Variants in SMIM35 observed in about 807,000 individuals in gnomAD.
SMIM35 encodes the protein small integral membrane protein 35.
intron 4 of SMIM35, 61 bp downstream of exon 4, chr11:118,013,687 C>T (rs2058161417): frequency 2.5e-6 from 1 of 397,166 alleles, no homozygotes; most frequent in African/African-American, 2.1e-5. Flanking sequence ...GGTGACTGGA[C>T]CCTCTTAGGA....
chr11:118,017,200 A>T (rs1196710566), intron 1 of SMIM35, among the ~76,000 whole-genome samples: 5 of 152,274 alleles, frequency 3.3e-5, no homozygotes, highest in Non-Finnish European at 4.4e-5. Flanking sequence ...AGGCCAGGTT[A>T]CAAAGATGCC....
intron 1 of SMIM35, among the ~76,000 whole-genome samples, chr11:118,039,861 A>G (rs371220648): frequency 4.4e-4 from 67 of 151,732 alleles, no homozygotes; most frequent in African/African-American, 1.6e-3. Context: ...CCTGGCCAAC[A>G]TGGTGAAGCC....
intron 1 of SMIM35, among the ~76,000 whole-genome samples, chr11:118,048,750 C>T (rs1284304232): frequency 2.6e-5 from 4 of 151,548 alleles, no homozygotes; most frequent in South Asian, 2.1e-4. Context: ...ACAAAAAACA[C>T]GGCCCTAGAT....
intron 1 of SMIM35, among the ~76,000 whole-genome samples, chr11:118,035,283 T>C (rs1172369938): frequency 1.3e-5 from 2 of 152,068 alleles, no homozygotes; most frequent in African/African-American, 4.8e-5. Context: ...CCCCAGGACT[T>C]TCTCCCTGCC....
chr11:118,084,973 G>A (rs192540800), intron 1 of SMIM35, among the ~76,000 whole-genome samples: 21 of 152,236 alleles, frequency 1.4e-4, no homozygotes, highest in African/African-American at 5.1e-4. Context: ...AAACTGCAAA[G>A]ACCAACCTAG....
At chr11:118,084,391 T>C (rs1945387471) in intron 1 of SMIM35, among the ~76,000 whole-genome samples, 1 of 152,232 alleles carries the variant, frequency 6.6e-6, no homozygotes, top group South Asian at 2.1e-4. Context: ...GAACTTCAGG[T>C]TATGCAACTG....
At chr11:118,042,027 G>T (rs1351116106) in intron 1 of SMIM35, among the ~76,000 whole-genome samples, 1 of 146,088 alleles carries the variant, frequency 6.8e-6, no homozygotes, top group Non-Finnish European at 1.5e-5. Flanking sequence ...CTCCAGCCTG[G>T]GCAACAGAGT....
intron 4 of SMIM35, among the ~76,000 whole-genome samples, chr11:118,010,430 C>A (rs2058144168): frequency 6.6e-6 from 1 of 152,212 alleles, no homozygotes; most frequent in Non-Finnish European, 1.5e-5. Flanking sequence ...GACAAAGCAG[C>A]CTTCTGTGGC....
At chr11:118,050,031 G>T (rs1944183777) in intron 1 of SMIM35, among the ~76,000 whole-genome samples, 1 of 152,120 alleles carries the variant, frequency 6.6e-6, no homozygotes, top group African/African-American at 2.4e-5. Context: ...TATAGAGAGG[G>T]TCTTTGAAGT....
chr11:118,077,347 G>A, intron 1 of SMIM35: 1 of 1,575,052 alleles, frequency 6.3e-7, no homozygotes, highest in Non-Finnish European at 8.6e-7. Flanking sequence ...AGGAAGGGTG[G>A]GTCTCCCCAT....
intron 1 of SMIM35, chr11:118,077,337 A>G (rs1158941817): frequency 6.3e-7 from 1 of 1,584,990 alleles, no homozygotes; most frequent in East Asian, 2.3e-5. Context: ...CCCAAGACAC[A>G]GGAAGGGTGG....
chr11:118,023,445 C>T (rs1052280419), intron 1 of SMIM35, among the ~76,000 whole-genome samples: 4 of 151,806 alleles, frequency 2.6e-5, no homozygotes, highest in Non-Finnish European at 1.5e-5. Context: ...TACTGGTGTG[C>T]TGCACCCATT....
At chr11:118,055,244 C>T (rs1021446676) in intron 1 of SMIM35, among the ~76,000 whole-genome samples, 3 of 152,136 alleles carry the variant, frequency 2.0e-5, no homozygotes, top group Non-Finnish European at 4.4e-5. Flanking sequence ...CTGCCAAGGC[C>T]AGTTTGGCAG....
intron 1 of SMIM35, among the ~76,000 whole-genome samples, chr11:118,072,504 G>T (rs998723741): frequency 1.9e-4 from 29 of 152,018 alleles, no homozygotes; most frequent in African/African-American, 7.0e-4. Context: ...GAAACAACTG[G>T]CAATTGATAT....
At chr11:118,030,309 A>T (rs915762032) in intron 1 of SMIM35, among the ~76,000 whole-genome samples, 1 of 152,162 alleles carries the variant, frequency 6.6e-6, no homozygotes, top group Non-Finnish European at 1.5e-5. Flanking sequence ...TGTTGGGATT[A>T]CAGGTGTGAG....
At chr11:118,027,341 CG>C in intron 1 of SMIM35, among the ~76,000 whole-genome samples, 1 of 149,582 alleles carries the variant, frequency 6.7e-6, no homozygotes, top group South Asian at 2.1e-4. Flanking sequence ...TTTTTTTTTG[CG>C]TGGTAGATTT....
intron 1 of SMIM35, among the ~76,000 whole-genome samples, chr11:118,052,868 G>T (rs1305500131): frequency 2.0e-5 from 3 of 151,910 alleles, no homozygotes; most frequent in Non-Finnish European, 4.4e-5. Flanking sequence ...CTTCATCCTG[G>T]GTGCTGCCAC....
chr11:118,081,888 G>A (rs996280856), intron 1 of SMIM35, among the ~76,000 whole-genome samples: 4 of 152,174 alleles, frequency 2.6e-5, no homozygotes, highest in Non-Finnish European at 5.9e-5. Flanking sequence ...GATGGAACAG[G>A]AGCAGGGGAG....
intron 1 of SMIM35, among the ~76,000 whole-genome samples, chr11:118,018,087 C>T (rs1010637863): frequency 1.3e-5 from 2 of 152,052 alleles, no homozygotes; most frequent in African/African-American, 4.8e-5. Flanking sequence ...AATGTCTAGG[C>T]AGAGGGAGCA....
Sources: gnomAD v4.1 joint callset for allele counts (sites outside exome capture counted in the v4.1 genomes callset) on GRCh38, gnomAD v4.1.1 for gene constraint, MANE v1.5 for transcripts, NCBI Gene and HGNC (gene_info 2026-07-23, HGNC 2026-07-21) for gene names.